The following NEDD4 variants were observed in gnomAD, a reference collection of about 807,000 sequenced individuals.
The protein encoded by NEDD4 is NEDD4 E3 ubiquitin protein ligase, also known as E3 ubiquitin-protein ligase NEDD4.
A neutral mutation model predicts 144.9 loss-of-function variants in NEDD4; 99 were observed. The observed-to-expected ratio is 0.68, with a 90% CI of 0.58 to 0.81. The LOEUF (loss-of-function observed/expected upper bound fraction) is 0.81, where lower values mean the gene tolerates loss of function less well. NEDD4 is among the 30% of genes least tolerant of loss of function. The pLI is 0.00. For synonymous variants in NEDD4, 318 were observed against 350.6 expected (o/e 0.91, Z 1.04); for missense variants, 985 against 1,065.9 (o/e 0.92, Z 1.06).
At chr15:55,928,521 G>A (rs1205220961) in intron 4 of NEDD4, among the ~76,000 whole-genome samples, 7 of 152,090 alleles carry the variant, frequency 4.6e-5, no homozygotes, top group Non-Finnish European at 8.8e-5. Flanking sequence ...AACCAAATAT[G>A]CATCTACCCT....
chr15:55,963,022 T>G (rs2037450379), intron 2 of NEDD4, among the ~76,000 whole-genome samples: 1 of 152,088 alleles, frequency 6.6e-6, no homozygotes. Context: ...TGTCCTCAGG[T>G]GATCCACCAG....
At chr15:55,890,404 C>T (rs2142118621) in intron 5 of NEDD4, among the ~76,000 whole-genome samples, 1 of 152,190 alleles carries the variant, frequency 6.6e-6, no homozygotes, top group South Asian at 2.1e-4. Flanking sequence ...CACTTTCTGT[C>T]TTTATGGATT....
At chr15:55,866,038 C>T (rs1398400556) in intron 8 of NEDD4, among the ~76,000 whole-genome samples, 3 of 151,976 alleles carry the variant, frequency 2.0e-5, no homozygotes, top group African/African-American at 7.3e-5. Flanking sequence ...CTCAAGCAAT[C>T]TTCCACCTCA....
chr15:55,916,230 A>G, intron 5 of NEDD4: 2 of 1,614,006 alleles, frequency 1.2e-6, no homozygotes, highest in East Asian at 2.2e-5. Flanking sequence ...TCCACCCAAA[A>G]AAGTATCATC....
At chr15:55,953,962 C>T (rs1242342280) in intron 2 of NEDD4, among the ~76,000 whole-genome samples, 1 of 152,200 alleles carries the variant, frequency 6.6e-6, no homozygotes, top group East Asian at 1.9e-4. Context: ...CCTCGTGACC[C>T]TCCTGCCTCG....
chr15:55,868,099 C>T lies in NEDD4; in HGVS notation c.507+1480G>A, dbSNP rs553006557. On this transcript the variant is annotated intron_variant, in intron 8 of 28. Coordinates refer to ENST00000435532, the MANE Select transcript of NEDD4 (RefSeq NM_006154.4). ...GTCTTTCCTTCTATTATTATAGATT[C>T]TCCTGCAAAGCAAAATCTCATTAGT... 1.6e-3 allele frequency among the ~76,000 whole-genome samples: 243 copies of T among 151,448 alleles called. 3 individuals carry two copies. The South Asian group carries it at 0.023, about 14-fold the overall frequency.
intron 4 of NEDD4, among the ~76,000 whole-genome samples, chr15:55,932,871 C>T (rs2036810055): frequency 6.6e-6 from 1 of 152,140 alleles, no homozygotes; most frequent in Non-Finnish European, 1.5e-5. Context: ...AGGATATGCA[C>T]AGACACTTCT....
Position 55,924,637 on chromosome 15 carries a change from A to G in NEDD4, c.291+9T>C, listed in dbSNP as rs769952940. 11 of 1,605,216 alleles carry G rather than the reference A, an allele frequency of 6.9e-6. No homozygotes were observed. In the East Asian group the frequency reaches 1.3e-4, roughly 20 times the overall value. ...ACTTCATATTTCATATAAGCACAAT[A>G]TAACTTACCAATCGGTTTTCGTCAA... On this transcript the variant is annotated intron_variant, in intron 5 of 28. Transcript: ENST00000435532.
At chr15:55,846,478 A>AGAC (rs1386393527) in intron 18 of NEDD4, among the ~76,000 whole-genome samples, 1 of 152,226 alleles carries the variant, frequency 6.6e-6, no homozygotes, top group East Asian at 1.9e-4. Context: ...AAGCATAAGG[A>AGAC]GACAAGTCAC....
intron 5 of NEDD4, among the ~76,000 whole-genome samples, chr15:55,904,320 T>G (rs1477686652): frequency 6.6e-6 from 1 of 152,110 alleles, no homozygotes. Flanking sequence ...TTCATTTTTT[T>G]GAGACAGAGT....
At chr15:55,907,641 A>C (rs577187289) in intron 5 of NEDD4, among the ~76,000 whole-genome samples, 1 of 152,342 alleles carries the variant, frequency 6.6e-6, no homozygotes, top group Admixed American at 6.5e-5. Flanking sequence ...AAGAGGGTTC[A>C]GTCTTTCAGC....
At chr15:55,955,523 T>A (rs149317789) in intron 2 of NEDD4, among the ~76,000 whole-genome samples, 221 of 152,262 alleles carry the variant, frequency 1.5e-3, no homozygotes, top group African/African-American at 5.1e-3. Context: ...TTTGATTCTA[T>A]GAATTTGACT....
At chr15:55,916,119 T>A in intron 5 of NEDD4, 1 of 1,614,004 alleles carries the variant, frequency 6.2e-7, no homozygotes, top group South Asian at 1.1e-5. Flanking sequence ...CAAGTCATCC[T>A]GGACAAAAGG....
chr15:55,992,804 T>A (rs978340747), intron 1 of NEDD4, among the ~76,000 whole-genome samples: 1 of 152,244 alleles, frequency 6.6e-6, no homozygotes, highest in African/African-American at 2.4e-5. Flanking sequence ...CAGAGCTTAA[T>A]CTAGTTTTCA....
In NEDD4 at chr15:55,936,395, T is replaced by A. The variant is rs1463974292; in HGVS notation, c.238-11696A>T. Among the ~76,000 whole-genome samples the A allele has an allele frequency of 2.6e-5, 4 of 152,008 alleles. No homozygotes were observed. In the East Asian group the frequency reaches 5.8e-4, roughly 22 times the overall value. On this transcript the variant is annotated intron_variant, in intron 4 of 28. Transcript: ENST00000435532. ...ATTTGTGTGCGTATGTAGGTAAGTT[T>A]TTTCCCCCTATCCATAAAAATACAA... is the stretch of plus-strand genomic sequence containing the variant.
chr15:55,985,760 T>TACACACAC (rs3049246), intron 1 of NEDD4, among the ~76,000 whole-genome samples: 144 of 148,434 alleles, frequency 9.7e-4, no homozygotes, highest in East Asian at 6.6e-3. Context: ...AGAGTACACA[T>TACACACAC]ACACACACAC....
At chr15:55,967,440 C>CTCTGTGTGTG (rs371627343) in intron 1 of NEDD4, among the ~76,000 whole-genome samples, 5 of 142,362 alleles carry the variant, frequency 3.5e-5, no homozygotes, top group South Asian at 2.3e-4. Context: ...CATAACTATG[C>CTCTGTGTGTG]TGTGTGTGTG....
intron 18 of NEDD4, among the ~76,000 whole-genome samples, chr15:55,846,710 A>C (rs1444167221): frequency 3.9e-5 from 6 of 152,190 alleles, no homozygotes; most frequent in Admixed American, 1.3e-4. Context: ...GGGATACACC[A>C]GGTTAGAGCT....
intron 5 of NEDD4, chr15:55,915,554 G>C: frequency 1.2e-6 from 2 of 1,613,820 alleles, no homozygotes; most frequent in Non-Finnish European, 1.7e-6. Flanking sequence ...CTACATTTTG[G>C]GAGGATGGCA....
Sources: allele counts gnomAD v4.1 joint callset (sites outside exome capture counted in the v4.1 genomes callset), GRCh38; gene constraint gnomAD v4.1.1; transcripts MANE v1.5; gene names NCBI Gene and HGNC (gene_info 2026-07-23, HGNC 2026-07-21).